Variants in SAMSN1 observed in about 807,000 individuals in gnomAD.
The protein encoded by SAMSN1 is SAM domain-containing protein SAMSN-1.
A neutral mutation model predicts 42.0 loss-of-function variants in SAMSN1; 31 were observed. That is an observed-to-expected ratio of 0.74 (90% CI 0.55 to 1.00). The LOEUF (loss-of-function observed/expected upper bound fraction) is 1.00. SAMSN1 is among the 50% of genes least tolerant of loss of function. SAMSN1 has a pLI of 0.00. For missense variants in SAMSN1, 464 were observed against 439.4 expected, an observed-to-expected ratio of 1.06 and a Z score of -0.50; for synonymous variants, 178 against 151.9, an observed-to-expected ratio of 1.17 and a Z score of -1.26.
chr21:14,609,259 G>T (rs948794903), intron 5 of SAMSN1, among the ~76,000 whole-genome samples: 6 of 151,728 alleles, frequency 4.0e-5, no homozygotes, highest in African/African-American at 1.5e-4. Flanking sequence ...CTTCCTTTCT[G>T]TACATGTGTC....
chr21:14,556,984 A>C (rs1400023902), intron 2 of SAMSN1, among the ~76,000 whole-genome samples: 2 of 152,212 alleles, frequency 1.3e-5, no homozygotes, highest in Admixed American at 6.6e-5. Flanking sequence ...ATAACTGATT[A>C]ACTACAAACC....
intron 2 of SAMSN1, among the ~76,000 whole-genome samples, chr21:14,553,862 C>T (rs1980675792): frequency 6.6e-6 from 1 of 151,870 alleles, no homozygotes. Flanking sequence ...TTGGTATATC[C>T]TAAAATGTCA....
intron 3 of SAMSN1, among the ~76,000 whole-genome samples, chr21:14,614,032 A>G (rs746102850): frequency 1.3e-5 from 2 of 152,142 alleles, no homozygotes; most frequent in Non-Finnish European, 2.9e-5. Flanking sequence ...AAGAGACCTG[A>G]ACTGAATCCA....
In SAMSN1 at chr21:14,635,533, C is replaced by T. The variant is rs1012401063; in HGVS notation, c.156+7469G>A. 6.6e-5 allele frequency among the ~76,000 whole-genome samples: 10 copies of T among 152,092 alleles called. No individual in the cohort carries two copies. In the East Asian group the frequency reaches 1.2e-3, roughly 18 times the overall value. On this transcript the variant is annotated intron_variant, in intron 2 of 15. Coordinates refer to the SAMSN1 transcript ENST00000647101. ...GATTAAAATCTTGGGTTTTCTAATG[C>T]GCATCAACAGTAAATCCTGTTGCTT... is the stretch of plus-strand genomic sequence containing the variant.
At chr21:14,655,028 A>G (rs1983894820) in intron 1 of SAMSN1, among the ~76,000 whole-genome samples, 1 of 151,982 alleles carries the variant, frequency 6.6e-6, no homozygotes, top group Admixed American at 6.6e-5. Flanking sequence ...ATGGAGAGAT[A>G]ATTTAAGAAA....
rs1029317540 is a variant in SAMSN1 at position 14,553,971 on chromosome 21, G to T, written c.261+28165C>A. ...CTCTTTGTTCTCTCCATCTGGAAAC[G>T]GATTAGTCCAATGTTGAACATACTG... On this transcript the variant is annotated intron_variant, in intron 2 of 8. Transcript: ENST00000285670. Among the ~76,000 whole-genome samples, 3 of 151,968 alleles carry T rather than the reference G, an allele frequency of 2.0e-5. No individual in the cohort carries two copies. The East Asian group carries it at 5.8e-4, about 29-fold the overall frequency.
intron 2 of SAMSN1, among the ~76,000 whole-genome samples, chr21:14,555,739 ATT>A (rs1263514533): frequency 6.6e-6 from 1 of 152,192 alleles, no homozygotes; most frequent in African/African-American, 2.4e-5. Flanking sequence ...TCAAGTTTTT[ATT>A]AAAAATCTTC....
chr21:14,593,883 ACACTTCCAT>A (rs1982168577), intron 7 of SAMSN1: 1 of 564,404 alleles, frequency 1.8e-6, no homozygotes, highest in East Asian at 2.8e-5. Flanking sequence ...TTCTTTAGAA[ACACTTCCAT>A]GTGGCAGCTG....
intron 5 of SAMSN1, among the ~76,000 whole-genome samples, chr21:14,501,119 G>T (rs1452058154): frequency 1.3e-5 from 2 of 151,868 alleles, no homozygotes; most frequent in Admixed American, 6.6e-5. Flanking sequence ...CTCCAGCCTG[G>T]GCAACACAGT....
intron 5 of SAMSN1, 95 bp downstream of exon 5, chr21:14,510,211 ACACT>A (rs1294485291): frequency 1.3e-5 from 15 of 1,124,604 alleles, no homozygotes; most frequent in Non-Finnish European, 2.0e-5. Context: ...TGGGAAGAAC[ACACT>A]CACACTGTCT....
At chr21:14,617,591 C>A (rs1351910175) in intron 2 of SAMSN1, among the ~76,000 whole-genome samples, 2 of 152,178 alleles carry the variant, frequency 1.3e-5, no homozygotes, top group African/African-American at 2.4e-5. Flanking sequence ...AATCCATCAT[C>A]CTGAGTCTCA....
chr21:14,522,137 T>C (rs571167155), intron 1 of SAMSN1, among the ~76,000 whole-genome samples: 7 of 152,230 alleles, frequency 4.6e-5, no homozygotes, highest in African/African-American at 1.7e-4. Flanking sequence ...AAAAGCTCAG[T>C]ATGTTAATAG....
chr21:14,584,055 A>G (rs1271388831), upstream of SAMSN1, among the ~76,000 whole-genome samples: 1 of 151,804 alleles, frequency 6.6e-6, no homozygotes, highest in East Asian at 1.9e-4. Flanking sequence ...AAATATCTAT[A>G]AATGACTCAC....
At chr21:14,516,819 C>A (rs1250030702) in intron 3 of SAMSN1, 73 bp downstream of exon 3, 2 of 1,290,234 alleles carry the variant, frequency 1.6e-6, no homozygotes, top group African/African-American at 3.0e-5. Context: ...GTACCAAGCA[C>A]TTCTATAGTC....
At chr21:14,649,062 C>T (rs1983775190) in intron 1 of SAMSN1, among the ~76,000 whole-genome samples, 1 of 151,968 alleles carries the variant, frequency 6.6e-6, no homozygotes, top group Admixed American at 6.6e-5. Context: ...AAATGTGGCA[C>T]ATATACACCA....
intron 1 of SAMSN1, among the ~76,000 whole-genome samples, chr21:14,650,736 C>CA (rs1400619265): frequency 6.6e-5 from 10 of 151,446 alleles, no homozygotes; most frequent in African/African-American, 9.7e-5. Flanking sequence ...AGATTAATGA[C>CA]AAAAAAGGTT....
At chr21:14,586,488 C>T (rs1056263048), upstream of SAMSN1, among the ~76,000 whole-genome samples, 3 of 151,978 alleles carry the variant, frequency 2.0e-5, no homozygotes, top group Non-Finnish European at 4.4e-5. Flanking sequence ...TTTATTTGAG[C>T]ACCTAGTAAA....
intron 2 of SAMSN1, among the ~76,000 whole-genome samples, chr21:14,633,084 CA>C (rs1445363452): frequency 6.6e-6 from 1 of 152,006 alleles, no homozygotes; most frequent in Non-Finnish European, 1.5e-5. Flanking sequence ...ACATAAATAC[CA>C]AAAGTCAGAT....
chr21:14,544,492 A>T (rs931748264), intron 1 of SAMSN1, among the ~76,000 whole-genome samples: 1 of 152,222 alleles, frequency 6.6e-6, no homozygotes, highest in Non-Finnish European at 1.5e-5. Context: ...AATCCAACTG[A>T]ATGTATGAAA....
Sources: allele counts gnomAD v4.1 joint callset (sites outside exome capture counted in the v4.1 genomes callset), GRCh38; gene constraint gnomAD v4.1.1; transcripts MANE v1.5; gene names NCBI Gene and HGNC (gene_info 2026-07-23, HGNC 2026-07-21).